The following CPXM2 variants were observed in gnomAD, a reference collection of about 807,000 sequenced individuals.
The protein encoded by CPXM2 is carboxypeptidase X, M14 family member 2, also known as inactive carboxypeptidase-like protein X2.
Under a neutral mutation model 86.1 loss-of-function variants are expected in CPXM2, and 66 were observed. The ratio of observed to expected loss-of-function variants is 0.77; its 90% CI spans 0.63 to 0.94. The LOEUF (loss-of-function observed/expected upper bound fraction) is 0.94. Among genes scored for constraint, CPXM2 ranks in the 40% least tolerant of loss-of-function variants. The pLI is 0.00. For missense variants in CPXM2, 948 were observed against 1,026.3 expected (o/e 0.92, Z 1.04); for synonymous variants, 388 against 400.2 (o/e 0.97, Z 0.36).
At chr10:123,835,834 A>G (rs972160794) in intron 4 of CPXM2, among the ~76,000 whole-genome samples, 1 of 152,196 alleles carries the variant, frequency 6.6e-6, no homozygotes, top group African/African-American at 2.4e-5. Context: ...GGGAGGAACA[A>G]GGGGACACAG....
intron 1 of CPXM2, among the ~76,000 whole-genome samples, chr10:123,939,922 G>A (rs976165344): frequency 6.6e-6 from 1 of 152,192 alleles, no homozygotes; most frequent in African/African-American, 2.4e-5. Flanking sequence ...GAGCTAGCAC[G>A]TACTTCCTGT....
upstream of CPXM2, among the ~76,000 whole-genome samples, chr10:123,941,823 G>A (rs1358096463): frequency 6.6e-6 from 1 of 152,190 alleles, no homozygotes; most frequent in African/African-American, 2.4e-5. Context: ...CCTTGAGCAG[G>A]CCACCTACCT....
At chr10:123,918,198 T>G (rs1008165958) in intron 2 of CPXM2, among the ~76,000 whole-genome samples, 6 of 152,238 alleles carry the variant, frequency 3.9e-5, no homozygotes, top group Non-Finnish European at 8.8e-5. Context: ...AAATATTCAC[T>G]GGTTATTTAT....
intron 13 of CPXM2, chr10:123,750,542 T>A: frequency 2.0e-6 from 2 of 984,942 alleles, no homozygotes; most frequent in South Asian, 9.4e-5. Context: ...TCACTTAATT[T>A]ATTTTTTTCA....
At chr10:123,768,319 A>C (rs1219728) in intron 9 of CPXM2, 109,631 of 254,746 alleles carry the variant, frequency 0.43, 25,883 homozygotes, top group East Asian at 0.68. Flanking sequence ...GGTTGCAGTG[A>C]GCGGAGATCA....
At chr10:123,878,350 A>G (rs1313468831) in intron 2 of CPXM2, among the ~76,000 whole-genome samples, 2 of 143,516 alleles carry the variant, frequency 1.4e-5, no homozygotes. Flanking sequence ...ACAGGCTAAA[A>G]TCACGTATAG....
At chr10:123,894,561 A>G (rs1945318860), upstream of CPXM2, among the ~76,000 whole-genome samples, 1 of 152,152 alleles carries the variant, frequency 6.6e-6, no homozygotes, top group Admixed American at 6.5e-5. Context: ...GGTGCAAGGC[A>G]CAGTCAGAGC....
chr10:123,815,133 T>C (rs1449104321), intron 4 of CPXM2, among the ~76,000 whole-genome samples: 1 of 152,218 alleles, frequency 6.6e-6, no homozygotes, highest in African/African-American at 2.4e-5. Flanking sequence ...TGACCATATG[T>C]GGAGAACCAA....
At chr10:123,840,521 A>C (rs1234465968) in intron 4 of CPXM2, among the ~76,000 whole-genome samples, 2 of 152,230 alleles carry the variant, frequency 1.3e-5, no homozygotes, top group Non-Finnish European at 2.9e-5. Flanking sequence ...ACAGTGGTGG[A>C]GGTGTGGCTG....
Position 123,768,512 on chromosome 10 carries a change from G to A in CPXM2, c.1299+14C>T, listed in dbSNP as rs753174527. The A allele has an allele frequency of 1.1e-5, 18 of 1,604,628 alleles. No homozygotes were observed. Among genetic ancestry groups the A allele is most frequent in the Admixed American group, 1.0e-4 (6 of 59,504 alleles). On this transcript the variant is annotated intron_variant, in intron 9 of 13. Transcript: ENST00000241305. ...GCCCATGTCCTATTGGGTGAGATGG[G>A]CCAGGGCCATTACCCCTTCGTAGGC...
chr10:123,858,883 G>A (rs908340710), intron 3 of CPXM2, among the ~76,000 whole-genome samples: 1 of 152,222 alleles, frequency 6.6e-6, no homozygotes, highest in African/African-American at 2.4e-5. Flanking sequence ...ACTGCCAAAG[G>A]CAATTCTTTT....
At chr10:123,752,289 C>G in intron 13 of CPXM2, 1 of 985,172 alleles carries the variant, frequency 1.0e-6, no homozygotes, top group South Asian at 4.7e-5. Flanking sequence ...GGGGCTACTA[C>G]GTACAAAATT....
chr10:123,797,411 T>C (rs781308875), intron 6 of CPXM2, among the ~76,000 whole-genome samples: 10 of 152,202 alleles, frequency 6.6e-5, no homozygotes, highest in Non-Finnish European at 1.3e-4. Context: ...TAGGCAAAAC[T>C]ACACTTGGCA....
chr10:123,752,501 G>T, intron 13 of CPXM2: 2 of 985,348 alleles, frequency 2.0e-6, no homozygotes, highest in Non-Finnish European at 2.4e-6. Context: ...TTTATGCCAG[G>T]CCCACTGCTA....
chr10:123,835,932 T>C (rs1783583810), intron 4 of CPXM2, among the ~76,000 whole-genome samples: 1 of 152,128 alleles, frequency 6.6e-6, no homozygotes, highest in Non-Finnish European at 1.5e-5. Context: ...ACTGTGAAAA[T>C]GGGAAACTCA....
chr10:123,841,367 A>C (rs1848382090), intron 4 of CPXM2, among the ~76,000 whole-genome samples: 1 of 152,224 alleles, frequency 6.6e-6, no homozygotes, highest in South Asian at 2.1e-4. Context: ...TAAAATAAAC[A>C]TAACATAAAA....
chr10:123,842,087 T>G (rs928282790), intron 4 of CPXM2, among the ~76,000 whole-genome samples: 5 of 152,206 alleles, frequency 3.3e-5, no homozygotes, highest in African/African-American at 1.2e-4. Context: ...TTTCACTGAG[T>G]CTGTGTCTAC....
rs527772932 is a variant in CPXM2 at position 123,855,245 on chromosome 10, T to C, written c.513+7369A>G. Among the ~76,000 whole-genome samples, 370 of 152,302 alleles carry C rather than the reference T, an allele frequency of 2.4e-3. 2 individuals carry two copies. The highest frequency in any genetic ancestry group is 4.1e-3 in the East Asian group (21 of 5,182). On this transcript the variant is annotated intron_variant, in intron 3 of 13. Coordinates refer to ENST00000241305, the MANE Select transcript of CPXM2 (RefSeq NM_198148.3). ...TCCCTTTATCAGAACAAACACGACATTCCTTGACTCGGAAACTATGTCTAC... is the reference window on the plus strand; with the variant it reads ...TCCCTTTATCAGAACAAACACGACACTCCTTGACTCGGAAACTATGTCTAC...
intron 6 of CPXM2, among the ~76,000 whole-genome samples, chr10:123,791,167 A>G (rs1290893376): frequency 6.6e-6 from 1 of 152,102 alleles, no homozygotes; most frequent in African/African-American, 2.4e-5. Flanking sequence ...TAATCCCAGC[A>G]CTTTGGGAGG....
Sources: gnomAD v4.1 joint callset for allele counts (sites outside exome capture counted in the v4.1 genomes callset) on GRCh38, gnomAD v4.1.1 for gene constraint, MANE v1.5 for transcripts, NCBI Gene and HGNC (gene_info 2026-07-23, HGNC 2026-07-21) for gene names.